Variants in BRAF observed in about 807,000 individuals in gnomAD.
BRAF encodes the protein B-Raf proto-oncogene, serine/threonine kinase, also known as serine/threonine-protein kinase B-raf.
BRAF carries 16 observed loss-of-function variants against 104.6 expected under a neutral mutation model. The ratio of observed to expected loss-of-function variants is 0.15; its 90% CI spans 0.10 to 0.23. The LOEUF (loss-of-function observed/expected upper bound fraction) is 0.23. Among genes scored for constraint, BRAF ranks in the 10% least tolerant of loss-of-function variants. The probability of loss-of-function intolerance (pLI) is 1.00; values close to 1 mark genes in which losing one functional copy is unlikely to be tolerated. For synonymous variants in BRAF, 310 were observed against 341.6 expected, an observed-to-expected ratio of 0.91 and a Z score of 1.02; for missense variants, 541 against 937.3, an observed-to-expected ratio of 0.58 and a Z score of 5.52.
chr7:140,883,019 T>TAAAC (rs1055120150), intron 1 of BRAF, among the ~76,000 whole-genome samples: 2 of 140,494 alleles, frequency 1.4e-5, no homozygotes, highest in African/African-American at 5.2e-5. Context: ...ATAAAGTAAA[T>TAAAC]AAATAAATAA....
At chr7:140,746,627 G>A (rs566815052) in intron 17 of BRAF, among the ~76,000 whole-genome samples, 1 of 152,010 alleles carries the variant, frequency 6.6e-6, no homozygotes, top group Admixed American at 6.6e-5. Flanking sequence ...TTAGGAGTTT[G>A]AGCCCAGCCT....
chr7:140,792,317 C>T (rs1009441631), intron 8 of BRAF, among the ~76,000 whole-genome samples: 7 of 152,156 alleles, frequency 4.6e-5, no homozygotes, highest in Non-Finnish European at 1.0e-4. Context: ...AAATATAGAG[C>T]TGATGACTTC....
In BRAF at chr7:140,785,730, C is replaced by T. The variant is rs1033617391; in HGVS notation, c.1256G>A (p.Ser419Asn). Residue 419 changes from serine (S) to asparagine (N), a missense_variant, in exon 10 of 20, where the codon AGT becomes AAT. Ser to Asn is a conservative substitution (Grantham distance 46). Transcript: ENST00000644969. Reference sequence around the variant, plus strand: ...AGGCTCAAAATCAAACACTATTTCACTGGGGACAGAATGTAGGAGGGGACT... The same window carrying T: ...AGGCTCAAAATCAAACACTATTTCATTGGGGACAGAATGTAGGAGGGGACT... ...TPSPLLHSVP[S>N]EIVFDFEPGP... 3.3e-5 allele frequency: 13 copies of T among 398,932 alleles called. No individual in the cohort carries two copies. Among genetic ancestry groups the T allele is most frequent in the Non-Finnish European group, 5.3e-5 (12 of 226,106 alleles). 24.7% of individuals were successfully genotyped at this position (398,932 alleles called of 1,614,324 possible). A position where few individuals can be genotyped will look rare whatever the true frequency, so the allele number is the denominator to read the frequency against.
chr7:140,814,774 C>CAT lies in BRAF; in HGVS notation c.505-5781_505-5780dup, dbSNP rs531951692. ...TATATAACATATATATTATATATAA[C>CAT]ATATATATTATATATAACATATATA... On this transcript the variant is annotated intron_variant, in intron 3 of 19. Coordinates refer to ENST00000644969, the MANE Select transcript of BRAF (RefSeq NM_001374258.1). 8.8e-4 allele frequency among the ~76,000 whole-genome samples: 119 copies of CAT among 135,104 alleles called. 2 individuals carry two copies. The highest frequency in any genetic ancestry group is 3.6e-3 in the African/African-American group (118 of 33,196). The allele number at this position is 135,104 out of a possible 152,430, so 88.6% of individuals were successfully genotyped here.
At position 140,892,379 on chromosome 7, in the gene BRAF, C is replaced by T. The variant is rs1253320898; in HGVS notation, c.138+32187G>A. Among the ~76,000 whole-genome samples the T allele has an allele frequency of 2.0e-5, 3 of 152,202 alleles. No homozygotes were observed. In the East Asian group the frequency reaches 5.8e-4, roughly 29 times the overall value. ...CTATATAATATAGTACAGGGTATCA[C>T]CTGCTTGCCAAATCAATTCAGATAC... On this transcript the variant is annotated intron_variant, in intron 1 of 19. Transcript: ENST00000644969.
chr7:140,857,780 A>C (rs1809964983), intron 1 of BRAF, among the ~76,000 whole-genome samples: 1 of 152,154 alleles, frequency 6.6e-6, no homozygotes, highest in African/African-American at 2.4e-5. Flanking sequence ...AGGGACTCCT[A>C]CTGACCAAAT....
At chr7:140,824,640 T>C (rs942638217) in intron 3 of BRAF, among the ~76,000 whole-genome samples, 3 of 151,666 alleles carry the variant, frequency 2.0e-5, no homozygotes, top group Admixed American at 1.3e-4. Context: ...GGACGGACTT[T>C]CTATTTCTGA....
intron 8 of BRAF, among the ~76,000 whole-genome samples, chr7:140,793,037 G>T (rs757380446): frequency 9.2e-5 from 14 of 152,060 alleles, no homozygotes; most frequent in Non-Finnish European, 2.1e-4. Flanking sequence ...AAAAAATATG[G>T]GCCCAAATGG....
chr7:140,726,545 A>T lies in BRAF; in HGVS notation c.2402-29T>A, dbSNP rs750534925. ...TAGAGGGAGGACAAGAGCTAATTTT[A>T]AAAAAGTCATCTCAAATAACCTAGA... On this transcript the variant is annotated intron_variant, in intron 19 of 19. Transcript: ENST00000644969. The T allele has an allele frequency of 7.9e-5, 119 of 1,511,528 alleles. 1 individual carries two copies. In the South Asian group the frequency reaches 8.0e-4, roughly 10 times the overall value. The allele number at this position is 1,511,528 out of a possible 1,614,324, so 93.6% of individuals were successfully genotyped here. A position where few individuals can be genotyped will look rare whatever the true frequency, so the allele number is the denominator to read the frequency against.
At chr7:140,813,664 T>C (rs1305410176) in intron 3 of BRAF, among the ~76,000 whole-genome samples, 1 of 152,162 alleles carries the variant, frequency 6.6e-6, no homozygotes, top group Admixed American at 6.5e-5. Flanking sequence ...ATCTATACAA[T>C]GGAACTGTAG....
At chr7:140,823,843 T>C (rs777226577) in intron 3 of BRAF, 1 of 152,244 alleles carries the variant, frequency 6.6e-6, no homozygotes, top group African/African-American at 2.4e-5. Flanking sequence ...TTTTGTCTGA[T>C]AGCCGACATC....
intron 1 of BRAF, among the ~76,000 whole-genome samples, chr7:140,869,002 C>T (rs947661485): frequency 3.3e-5 from 5 of 152,108 alleles, no homozygotes; most frequent in South Asian, 4.2e-4. Context: ...GAGTCATCCT[C>T]GACTCTACAG....
chr7:140,848,097 A>G (rs1213059374), intron 2 of BRAF, among the ~76,000 whole-genome samples: 7 of 152,244 alleles, frequency 4.6e-5, no homozygotes, highest in African/African-American at 1.7e-4. Context: ...GAACCAACCA[A>G]AAAGACTGTA....
At position 140,781,541 on chromosome 7, in the gene BRAF, T is replaced by C; in HGVS notation, c.1552+35A>G. 6.4e-7 allele frequency: 1 copy of C among 1,554,966 alleles called. No individual in the cohort carries two copies. Among genetic ancestry groups the C allele is most frequent in the South Asian group, 1.1e-5 (1 of 89,864 alleles). On this transcript the variant is annotated intron_variant, in intron 12 of 19. Coordinates refer to ENST00000644969, the MANE Select transcript of BRAF (RefSeq NM_001374258.1). ...AAAAGTTGTTAAACATATCCTATTA[T>C]GACTTGTCACAATGTCACCACATTA...
chr7:140,791,235 AC>A (rs1292620404), intron 8 of BRAF, among the ~76,000 whole-genome samples: 2 of 152,140 alleles, frequency 1.3e-5, no homozygotes, highest in Non-Finnish European at 2.9e-5. Context: ...CTACTTCCTC[AC>A]CTGCTGCCTT....
Position 140,724,927 on chromosome 7 carries a change from A to G in BRAF, c.*1567T>C. 1.2e-5 allele frequency: 12 copies of G among 1,040,518 alleles called. No individual in the cohort carries two copies. Among genetic ancestry groups the G allele is most frequent in the Non-Finnish European group, 1.4e-5 (12 of 863,622 alleles). 64.5% of individuals were successfully genotyped at this position (1,040,518 alleles called of 1,614,324 possible). ...CCTTTAATAAAGGCCAAAGGAAGCT[A>G]TAACTAGGTTATATTTTCCATTTGT... On this transcript the variant is annotated 3_prime_UTR_variant, in exon 20 of 20. Transcript: ENST00000644969.
chr7:140,828,182 C>A (rs931364818), intron 3 of BRAF, among the ~76,000 whole-genome samples: 2 of 152,104 alleles, frequency 1.3e-5, no homozygotes, highest in Non-Finnish European at 2.9e-5. Context: ...CATGAGCTAC[C>A]GTACCTGGCC....
In BRAF at chr7:140,796,402, C is replaced by T. The variant is rs148913116; in HGVS notation, c.981-1935G>A. 7.7e-3 allele frequency among the ~76,000 whole-genome samples: 1,160 copies of T among 149,818 alleles called. 17 individuals carry two copies. The highest frequency in any genetic ancestry group is 0.027 in the African/African-American group (1,096 of 40,754). On this transcript the variant is annotated intron_variant, in intron 7 of 19. Transcript: ENST00000644969. Reference sequence around the variant, plus strand: ...GAAAAAGTATGAATAACTAGAATTGCATAAGATAGTCTACTGTAATAATTG... The same window carrying T: ...GAAAAAGTATGAATAACTAGAATTGTATAAGATAGTCTACTGTAATAATTG...
chr7:140,828,970 T>G (rs1355356003), intron 3 of BRAF, among the ~76,000 whole-genome samples: 1 of 152,220 alleles, frequency 6.6e-6, no homozygotes, highest in Non-Finnish European at 1.5e-5. Flanking sequence ...CACAACTGAC[T>G]GACTGCATCT....
Sources: allele counts gnomAD v4.1 joint callset (sites outside exome capture counted in the v4.1 genomes callset), GRCh38; gene constraint gnomAD v4.1.1; transcripts MANE v1.5; gene names NCBI Gene and HGNC (gene_info 2026-07-23, HGNC 2026-07-21).